The following SCMH1 variants were observed in gnomAD, a reference collection of about 807,000 sequenced individuals.
SCMH1 encodes the protein polycomb protein SCMH1.
SCMH1 carries 37 observed loss-of-function variants against 70.8 expected under a neutral mutation model. The observed-to-expected ratio is 0.52, with a 90% CI of 0.40 to 0.69. SCMH1 has a LOEUF of 0.69. SCMH1 is among the 30% of genes least tolerant of loss of function. The probability of loss-of-function intolerance (pLI) is 0.00; values close to 1 mark genes in which losing one functional copy is unlikely to be tolerated. For synonymous variants in SCMH1, 292 were observed against 307.4 expected (o/e 0.95, Z 0.52); for missense variants, 607 against 827.3 (o/e 0.73, Z 3.27).
At chr1:41,096,185 G>A (rs867388269) in intron 8 of SCMH1, among the ~76,000 whole-genome samples, 6 of 152,052 alleles carry the variant, frequency 3.9e-5, no homozygotes, top group South Asian at 2.1e-4. Flanking sequence ...AATTATTAAC[G>A]GAATGATTTA....
chr1:41,236,874 G>C (rs1329567836), intron 1 of SCMH1, among the ~76,000 whole-genome samples: 2 of 152,170 alleles, frequency 1.3e-5, no homozygotes, highest in Non-Finnish European at 2.9e-5. Flanking sequence ...ATAATTGGTT[G>C]AATACACAGA....
chr1:41,204,226 A>G (rs1655001373), intron 1 of SCMH1, among the ~76,000 whole-genome samples: 1 of 152,210 alleles, frequency 6.6e-6, no homozygotes, highest in South Asian at 2.1e-4. Flanking sequence ...GGATTTTTCA[A>G]GGAAAACTGG....
intron 10 of SCMH1, among the ~76,000 whole-genome samples, chr1:41,066,752 A>AT (rs201055248): frequency 0.02 from 2,963 of 151,430 alleles, 99 homozygotes; most frequent in African/African-American, 0.068. Flanking sequence ...CCAGCTGGCT[A>AT]TTTTTTTTGT....
At chr1:41,207,985 A>C (rs1221143785) in intron 1 of SCMH1, among the ~76,000 whole-genome samples, 199 of 130,706 alleles carry the variant, frequency 1.5e-3, no homozygotes, top group African/African-American at 5.8e-3. Context: ...ACGTATGTTT[A>C]TTGCGGCACT....
chr1:41,061,426 G>A (rs545344264), intron 10 of SCMH1, among the ~76,000 whole-genome samples: 1 of 152,166 alleles, frequency 6.6e-6, no homozygotes, highest in African/African-American at 2.4e-5. Flanking sequence ...GAAAGCTGGA[G>A]TAGCTATATT....
intron 1 of SCMH1, among the ~76,000 whole-genome samples, chr1:41,211,497 AT>A (rs1176499694): frequency 1.3e-5 from 2 of 152,250 alleles, no homozygotes; most frequent in Admixed American, 6.5e-5. Flanking sequence ...TAGAATGGCG[AT>A]TAAAAAGACA....
rs536796901 is a variant in SCMH1, at chr1:41,211,475, T to C, written c.-117-25225A>G. The stretch of plus-strand genomic sequence containing the variant: ...AAATCAAAACCACAATGAGATACCA[T>C]CTCACGCCAGTTAGAATGGCGATTA... On this transcript the variant is annotated intron_variant, in intron 1 of 14. Coordinates refer to ENST00000337495, the Ensembl canonical transcript of SCMH1. Among the ~76,000 whole-genome samples, 134 of 152,264 alleles carry C rather than the reference T, an allele frequency of 8.8e-4. 1 individual carries two copies. Among genetic ancestry groups the C allele is most frequent in the African/African-American group, 3.1e-3 (128 of 41,560 alleles).
chr1:41,121,309 T>C (rs751167322), intron 6 of SCMH1, among the ~76,000 whole-genome samples: 1 of 152,212 alleles, frequency 6.6e-6, no homozygotes, highest in African/African-American at 2.4e-5. Flanking sequence ...AGTTAGTAAA[T>C]AGCAGAGCCA....
At chr1:41,185,996 G>A in intron 2 of SCMH1, 125 bp downstream of exon 2, 1 of 981,412 alleles carries the variant, frequency 1.0e-6, no homozygotes, top group Non-Finnish European at 1.4e-6. Flanking sequence ...TGACAAAAAT[G>A]ACATCATGGC....
At chr1:41,210,474 T>TA (rs1001360180) in intron 1 of SCMH1, among the ~76,000 whole-genome samples, 1 of 152,148 alleles carries the variant, frequency 6.6e-6, no homozygotes, top group African/African-American at 2.4e-5. Context: ...CAAGACTACG[T>TA]AACCAAAACA....
intron 8 of SCMH1, among the ~76,000 whole-genome samples, chr1:41,084,637 A>G (rs1661050780): frequency 6.6e-6 from 1 of 152,152 alleles, no homozygotes; most frequent in Non-Finnish European, 1.5e-5. Context: ...GTATATACCC[A>G]AAGGACTATA....
chr1:41,204,329 C>T (rs1443142232), intron 1 of SCMH1, among the ~76,000 whole-genome samples: 1 of 152,120 alleles, frequency 6.6e-6, no homozygotes, highest in Non-Finnish European at 1.5e-5. Context: ...CCTATATGAT[C>T]CTGTCCTGAC....
chr1:41,090,707 GCTCA>G (rs1026844172), intron 8 of SCMH1, among the ~76,000 whole-genome samples: 21 of 151,952 alleles, frequency 1.4e-4, no homozygotes, highest in African/African-American at 5.1e-4. Context: ...AAATTAAAAA[GCTCA>G]CTCTGAAACT....
In SCMH1 at chr1:41,046,599, C is replaced by G. The variant is rs1646917811; in HGVS notation, c.1307-1G>C. 1 of 1,613,656 alleles carries G rather than the reference C, an allele frequency of 6.2e-7. No homozygotes were observed. The highest frequency in any genetic ancestry group is 1.3e-5 in the African/African-American group (1 of 74,902). On this transcript the variant is annotated splice_acceptor_variant, in intron 11 of 14. Coordinates refer to ENST00000337495, the Ensembl canonical transcript of SCMH1. LOFTEE classifies it high-confidence loss of function. ...GTATGCTGTTCCCGGTCAAACACGG[C>G]TGTGGAGTGAGTAAACAGGGCCAAG...
chr1:41,116,133 C>T (rs1243488117), intron 7 of SCMH1, among the ~76,000 whole-genome samples: 1 of 152,166 alleles, frequency 6.6e-6, no homozygotes, highest in East Asian at 1.9e-4. Flanking sequence ...TGGTAGATCC[C>T]TTTACTGCAC....
At chr1:41,030,979 A>G (rs1644438554) in intron 13 of SCMH1, among the ~76,000 whole-genome samples, 1 of 152,156 alleles carries the variant, frequency 6.6e-6, no homozygotes, top group Non-Finnish European at 1.5e-5. Flanking sequence ...GCAAACTATC[A>G]AGTGGCAGAG....
chr1:41,064,201 A>G (rs561875869), intron 10 of SCMH1, among the ~76,000 whole-genome samples: 2 of 152,348 alleles, frequency 1.3e-5, no homozygotes, highest in East Asian at 1.9e-4. Context: ...ACACTCATTC[A>G]TAATAAAAAC....
intron 6 of SCMH1, among the ~76,000 whole-genome samples, chr1:41,124,133 AC>A (rs1216116409): frequency 6.6e-6 from 1 of 152,188 alleles, no homozygotes; most frequent in Non-Finnish European, 1.5e-5. Flanking sequence ...ACAATTATGT[AC>A]CCTTCAACTA....
At chr1:41,053,964 C>T (rs1649263866) in intron 10 of SCMH1, among the ~76,000 whole-genome samples, 1 of 152,078 alleles carries the variant, frequency 6.6e-6, no homozygotes, top group African/African-American at 2.4e-5. Flanking sequence ...CCTGCCTCAG[C>T]CTCTCGAGTA....
Sources: allele counts gnomAD v4.1 joint callset (sites outside exome capture counted in the v4.1 genomes callset), GRCh38; gene constraint gnomAD v4.1.1; transcripts MANE v1.5; gene names NCBI Gene and HGNC (gene_info 2026-07-23, HGNC 2026-07-21).